DIS3L2: variants seen among roughly 807,000 people sequenced by gnomAD.
DIS3L2 encodes DIS3 like 3'-5' exoribonuclease 2.
A neutral mutation model predicts 97.5 loss-of-function variants in DIS3L2; 34 were observed. That is an observed-to-expected ratio of 0.35 (90% CI 0.27 to 0.46). The LOEUF is 0.46. Ranked by LOEUF, DIS3L2 falls within the 20% of genes least tolerant of loss-of-function variation. The pLI is 1.00. For missense variants in DIS3L2, 1,038 were observed against 1,146.0 expected (o/e 0.91, Z 1.36); for synonymous variants, 435 against 445.2 (o/e 0.98, Z 0.29).
chr2:232,125,823 G>A lies in DIS3L2; in HGVS notation c.602-4796G>A, dbSNP rs143291305. Among the ~76,000 whole-genome samples, 70 of 152,264 alleles carry A rather than the reference G, an allele frequency of 4.6e-4. No individual in the cohort carries two copies. In the East Asian group the frequency reaches 0.012, roughly 26 times the overall value. ...GCAGCATCACAAATGATTATTCACA[G>A]TGTATGTTACCTTGCCCCTGTGAGG... is the stretch of plus-strand genomic sequence containing the variant. On this transcript the variant is annotated intron_variant, in intron 6 of 20. Coordinates refer to ENST00000325385, the MANE Select transcript of DIS3L2 (RefSeq NM_152383.5).
chr2:231,973,685 C>A (rs934476105), intron 1 of DIS3L2, among the ~76,000 whole-genome samples: 9 of 152,148 alleles, frequency 5.9e-5, no homozygotes, highest in Non-Finnish European at 1.3e-4. Context: ...AGCCACCACA[C>A]CCAGCCAAAA....
rs370526548 is a variant in DIS3L2, at chr2:231,990,247, TTC to T, written c.-93-24582_-93-24581del. Among the ~76,000 whole-genome samples the T allele has an allele frequency of 1.3e-3, 196 of 152,310 alleles. 4 individuals carry two copies. The South Asian group carries it at 0.037, about 29-fold the overall frequency. ...TTAGTCTCTATTGTTTTGCAAGTGT[TTC>T]TCTCTGTTCCTTCCTTCACTGGATG... On this transcript the variant is annotated intron_variant, in intron 1 of 20. Coordinates refer to ENST00000325385, the MANE Select transcript of DIS3L2 (RefSeq NM_152383.5).
intron 9 of DIS3L2, among the ~76,000 whole-genome samples, 188 bp downstream of exon 9, chr2:232,163,820 A>G (rs1690726744): frequency 6.6e-6 from 1 of 152,230 alleles, no homozygotes; most frequent in Non-Finnish European, 1.5e-5. Flanking sequence ...CTGTTTATGT[A>G]CAACCCATGA....
chr2:232,334,347 A>G lies in DIS3L2; in HGVS notation c.2159-22A>G, dbSNP rs1317953720. 2.5e-6 allele frequency: 4 copies of G among 1,610,482 alleles called. No individual in the cohort carries two copies. In the Admixed American group the frequency reaches 5.0e-5, roughly 20 times the overall value. On this transcript the variant is annotated intron_variant, in intron 17 of 20. Coordinates refer to ENST00000325385, the MANE Select transcript of DIS3L2 (RefSeq NM_152383.5). ...CCCAGCCCCCCAGGCTCCCACTCTC[A>G]TGCCTCACCCCCTCTTCCCAGGCTA...
chr2:232,257,608 C>T (rs1032257197), intron 12 of DIS3L2, among the ~76,000 whole-genome samples: 5 of 152,130 alleles, frequency 3.3e-5, no homozygotes, highest in South Asian at 2.1e-4. Flanking sequence ...TACGGAAGCC[C>T]GGAGCTCCTG....
intron 6 of DIS3L2, among the ~76,000 whole-genome samples, chr2:232,117,361 C>T (rs1014820870): frequency 6.6e-6 from 1 of 152,174 alleles, no homozygotes; most frequent in East Asian, 1.9e-4. Flanking sequence ...ATGAAACCTT[C>T]ATAATAAATA....
At chr2:232,145,612 T>C (rs190141471) in intron 8 of DIS3L2, among the ~76,000 whole-genome samples, 1 of 152,336 alleles carries the variant, frequency 6.6e-6, no homozygotes, top group East Asian at 1.9e-4. Context: ...GGCATTTTTT[T>C]TAATTCCTGA....
At chr2:232,221,062 A>C (rs1692491955) in intron 10 of DIS3L2, among the ~76,000 whole-genome samples, 1 of 139,766 alleles carries the variant, frequency 7.2e-6, no homozygotes, top group African/African-American at 2.7e-5. Flanking sequence ...AGATCGTGCC[A>C]CTGTGCTCCA....
chr2:231,970,798 T>A (rs1692881808), intron 1 of DIS3L2, among the ~76,000 whole-genome samples: 1 of 147,296 alleles, frequency 6.8e-6, no homozygotes, highest in African/African-American at 2.6e-5. Flanking sequence ...TACTGTGACT[T>A]TTTTTACTTT....
chr2:232,249,489 CAGAGT>C, intron 12 of DIS3L2, 143 bp downstream of exon 12: 1 of 915,958 alleles, frequency 1.1e-6, no homozygotes, highest in Non-Finnish European at 1.7e-6. Flanking sequence ...AGAGAAATGT[CAGAGT>C]CCCTGCCTCG....
intron 12 of DIS3L2, among the ~76,000 whole-genome samples, chr2:232,258,290 G>T (rs1693621609): frequency 1.3e-5 from 2 of 152,248 alleles, no homozygotes; most frequent in South Asian, 4.1e-4. Context: ...CTGTGATTAA[G>T]AAAGAAAAGA....
chr2:232,332,786 ATTGG>A (rs1287775719), intron 16 of DIS3L2, among the ~76,000 whole-genome samples: 1 of 152,162 alleles, frequency 6.6e-6, no homozygotes, highest in Non-Finnish European at 1.5e-5. Context: ...GGGGTGGAGT[ATTGG>A]CGAGCACAGA....
intron 1 of DIS3L2, among the ~76,000 whole-genome samples, chr2:232,003,918 T>C (rs1419799984): frequency 6.6e-6 from 1 of 152,216 alleles, no homozygotes; most frequent in Admixed American, 6.5e-5. Flanking sequence ...TATGATGATA[T>C]AGATATAATT....
chr2:232,220,092 C>T (rs1025542943), intron 10 of DIS3L2, among the ~76,000 whole-genome samples: 1 of 150,470 alleles, frequency 6.6e-6, no homozygotes, highest in Non-Finnish European at 1.5e-5. Context: ...AGCAACGTAG[C>T]AAAACCCAGT....
At chr2:232,319,236 A>G (rs1014509842) in intron 14 of DIS3L2, among the ~76,000 whole-genome samples, 1 of 152,216 alleles carries the variant, frequency 6.6e-6, no homozygotes, top group Admixed American at 6.5e-5. Flanking sequence ...TGGGGTGCAC[A>G]CGACACTGTG....
At chr2:232,012,539 C>T (rs2106217840) in intron 1 of DIS3L2, among the ~76,000 whole-genome samples, 1 of 149,312 alleles carries the variant, frequency 6.7e-6, no homozygotes, top group East Asian at 1.9e-4. Flanking sequence ...ACTCCTCGCC[C>T]CAACCAAGGC....
At chr2:232,079,599 CAAAAAAAAAAA>C (rs760870721) in intron 5 of DIS3L2, among the ~76,000 whole-genome samples, 4 of 29,630 alleles carry the variant, frequency 1.3e-4, no homozygotes, top group African/African-American at 1.7e-4. Context: ...GACTCTATCT[CAAAAAAAAAAA>C]AAAAAAAAAA....
chr2:232,185,155 T>C (rs1349274547), intron 9 of DIS3L2, among the ~76,000 whole-genome samples: 1 of 152,152 alleles, frequency 6.6e-6, no homozygotes, highest in Admixed American at 6.5e-5. Flanking sequence ...CAGACCCAAA[T>C]AAAGTGATCA....
intron 9 of DIS3L2, among the ~76,000 whole-genome samples, chr2:232,205,944 A>G (rs868363830): frequency 1.3e-5 from 2 of 152,208 alleles, no homozygotes; most frequent in Non-Finnish European, 2.9e-5. Context: ...AGGATACTAC[A>G]TGGTCAAATG....
Sources: gnomAD v4.1 joint callset for allele counts (sites outside exome capture counted in the v4.1 genomes callset) on GRCh38, gnomAD v4.1.1 for gene constraint, MANE v1.5 for transcripts, NCBI Gene and HGNC (gene_info 2026-07-23, HGNC 2026-07-21) for gene names.